The following GRIK2 variants were observed in gnomAD, a reference collection of about 807,000 sequenced individuals.
The protein encoded by GRIK2 is glutamate ionotropic receptor kainate type subunit 2, also known as glutamate receptor ionotropic, kainate 2.
Under a neutral mutation model 100.3 loss-of-function variants are expected in GRIK2, and 32 were observed. The ratio of observed to expected loss-of-function variants is 0.32; its 90% CI spans 0.24 to 0.43. The LOEUF is 0.43. Among genes scored for constraint, GRIK2 ranks in the 20% least tolerant of loss-of-function variants. The pLI is 1.00. For missense variants in GRIK2, 843 were observed against 1,114.9 expected (o/e 0.76, Z 3.47); for synonymous variants, 417 against 389.4 (o/e 1.07, Z -0.83).
intron 12 of GRIK2, among the ~76,000 whole-genome samples, chr6:101,910,047 CTT>C (rs1462488767): frequency 2.0e-5 from 3 of 150,724 alleles, no homozygotes; most frequent in Non-Finnish European, 3.0e-5. Context: ...TATTAAAACT[CTT>C]AGTATATGTA....
intron 4 of GRIK2, among the ~76,000 whole-genome samples, chr6:101,660,726 A>G (rs1769548819): frequency 6.6e-6 from 1 of 152,088 alleles, no homozygotes; most frequent in South Asian, 2.1e-4. Context: ...TCTAACAGTC[A>G]GGCCCCTCTG....
intron 14 of GRIK2, among the ~76,000 whole-genome samples, chr6:102,000,542 T>C (rs1794884692): frequency 6.6e-6 from 1 of 152,094 alleles, no homozygotes; most frequent in Non-Finnish European, 1.5e-5. Flanking sequence ...CTGTTTTTAA[T>C]GACAAGTTCT....
At chr6:102,005,362 A>G (rs1795157193) in intron 14 of GRIK2, among the ~76,000 whole-genome samples, 1 of 152,054 alleles carries the variant, frequency 6.6e-6, no homozygotes, top group East Asian at 1.9e-4. Context: ...TATATTTGGG[A>G]CTTCTTATTT....
At chr6:101,997,303 G>A (rs906275146) in intron 14 of GRIK2, among the ~76,000 whole-genome samples, 1 of 151,958 alleles carries the variant, frequency 6.6e-6, no homozygotes, top group African/African-American at 2.4e-5. Flanking sequence ...GCCCCATTGA[G>A]ACCCATGCCC....
At chr6:101,519,527 C>T (rs960209774) in intron 2 of GRIK2, among the ~76,000 whole-genome samples, 1 of 151,920 alleles carries the variant, frequency 6.6e-6, no homozygotes, top group Non-Finnish European at 1.5e-5. Context: ...ATTGGTAAAC[C>T]CATTTTAGAG....
intron 7 of GRIK2, among the ~76,000 whole-genome samples, chr6:101,795,827 A>C (rs1562394277): frequency 6.6e-6 from 1 of 152,172 alleles, no homozygotes; most frequent in Admixed American, 6.5e-5. Context: ...TGATGGGTGC[A>C]TGGGAATAGG....
At position 101,814,887 on chromosome 6, in the gene GRIK2, T is replaced by G. The variant is rs557057347; in HGVS notation, c.1204-3483T>G. On this transcript the variant is annotated intron_variant, in intron 9 of 16. Transcript: ENST00000369134. ...CAATAGTGTATAAACAGAATATAAT[T>G]AGTAATTGTCATAATTATAGCATAC... 2.0e-5 allele frequency among the ~76,000 whole-genome samples: 3 copies of G among 152,200 alleles called. No homozygotes were observed. The South Asian group carries it at 6.2e-4, about 31-fold the overall frequency.
chr6:101,584,058 A>G (rs779813998), intron 2 of GRIK2, among the ~76,000 whole-genome samples: 9 of 152,040 alleles, frequency 5.9e-5, no homozygotes, highest in Non-Finnish European at 1.0e-4. Flanking sequence ...TACAAAGGTA[A>G]ATGGATCTTG....
intron 15 of GRIK2, among the ~76,000 whole-genome samples, chr6:102,044,232 T>C (rs1363930268): frequency 6.6e-6 from 1 of 152,106 alleles, no homozygotes; most frequent in Admixed American, 6.6e-5. Flanking sequence ...TGATACCTAA[T>C]AATCTTTTCA....
At chr6:101,469,306 A>G (rs941537923) in intron 2 of GRIK2, among the ~76,000 whole-genome samples, 6 of 152,188 alleles carry the variant, frequency 3.9e-5, no homozygotes, top group African/African-American at 1.2e-4. Context: ...TGTTACTGGC[A>G]TGCAAGAGAA....
chr6:101,992,311 TC>T (rs1794420634), intron 14 of GRIK2, among the ~76,000 whole-genome samples: 1 of 151,532 alleles, frequency 6.6e-6, no homozygotes, highest in South Asian at 2.1e-4. Flanking sequence ...CTCTACGTTC[TC>T]AAAGTAAAAA....
At chr6:102,012,950 G>GT (rs1049143808) in intron 14 of GRIK2, among the ~76,000 whole-genome samples, 3 of 152,036 alleles carry the variant, frequency 2.0e-5, no homozygotes, top group Non-Finnish European at 4.4e-5. Flanking sequence ...TTTAAATTTT[G>GT]TTTTTTTCTA....
intron 12 of GRIK2, among the ~76,000 whole-genome samples, chr6:101,902,806 A>G (rs1787950973): frequency 6.6e-6 from 1 of 151,846 alleles, no homozygotes; most frequent in Admixed American, 6.6e-5. Flanking sequence ...ATAAACATCA[A>G]TTATTTTTAC....
chr6:101,830,246 C>A (rs1396668302), intron 10 of GRIK2, among the ~76,000 whole-genome samples: 5 of 152,016 alleles, frequency 3.3e-5, no homozygotes, highest in Non-Finnish European at 5.9e-5. Context: ...AACTGGACCA[C>A]TACTTTTCAC....
chr6:102,030,292 G>T (rs748205339), intron 14 of GRIK2, among the ~76,000 whole-genome samples: 1 of 151,080 alleles, frequency 6.6e-6, no homozygotes, highest in Non-Finnish European at 1.5e-5. Context: ...TGAAACATCC[G>T]CCATTGGCAT....
intron 15 of GRIK2, among the ~76,000 whole-genome samples, chr6:102,048,001 C>T (rs2114479623): frequency 6.6e-6 from 1 of 151,408 alleles, no homozygotes; most frequent in Non-Finnish European, 1.5e-5. Context: ...GTACTGCCCC[C>T]CTCCCAAGAA....
At chr6:101,879,678 A>T (rs1251733462) in intron 11 of GRIK2, among the ~76,000 whole-genome samples, 1 of 147,338 alleles carries the variant, frequency 6.8e-6, no homozygotes, top group African/African-American at 2.5e-5. Flanking sequence ...ATCTCACTAC[A>T]TTTTTTTTTT....
At chr6:102,023,028 C>G (rs1769512997) in intron 14 of GRIK2, among the ~76,000 whole-genome samples, 1 of 151,266 alleles carries the variant, frequency 6.6e-6, no homozygotes, top group Admixed American at 6.6e-5. Context: ...TAGAGTGTTG[C>G]AAGAATGCAG....
At chr6:101,889,160 A>AACTGTATTC (rs1456225335) in intron 11 of GRIK2, among the ~76,000 whole-genome samples, 1 of 152,120 alleles carries the variant, frequency 6.6e-6, no homozygotes, top group Admixed American at 6.6e-5. Context: ...AAAATCTTTT[A>AACTGTATTC]ACTGTATTCT....
Sources: allele counts gnomAD v4.1 joint callset (sites outside exome capture counted in the v4.1 genomes callset), GRCh38; gene constraint gnomAD v4.1.1; transcripts MANE v1.5; gene names NCBI Gene and HGNC (gene_info 2026-07-23, HGNC 2026-07-21).